Variants in GTPBP10 observed in about 807,000 individuals in gnomAD.
GTPBP10 encodes GTP-binding protein 10.
GTPBP10 carries 38 observed loss-of-function variants against 44.8 expected under a neutral mutation model. That is an observed-to-expected ratio of 0.85 (90% CI 0.65 to 1.11). GTPBP10 has a LOEUF of 1.11. Ranked by LOEUF, GTPBP10 falls within the 50% of genes most tolerant of loss-of-function variation. GTPBP10 has a pLI of 0.00. For synonymous variants in GTPBP10, 152 were observed against 150.6 expected, an observed-to-expected ratio of 1.01 and a Z score of -0.07; for missense variants, 462 against 453.7, an observed-to-expected ratio of 1.02 and a Z score of -0.17.
chr7:90,378,311 T>C lies in GTPBP10; in HGVS notation c.777+100T>C, dbSNP rs553165229. On this transcript the variant is annotated intron_variant, in intron 8 of 9. Transcript: ENST00000222511. ...TTACAGTCTATACATACTCCACCTT[T>C]AAAGCTTTGATGTCAGTTAAAGAAT... is the stretch of plus-strand genomic sequence containing the variant. 6.6e-5 allele frequency: 89 copies of C among 1,351,632 alleles called. No homozygotes were observed. In the South Asian group the frequency reaches 1.3e-3, roughly 20 times the overall value. 83.7% of individuals were successfully genotyped at this position (1,351,632 alleles called of 1,614,324 possible).
intron 7 of GTPBP10, 80 bp from the exon 8 acceptor site, chr7:90,378,054 A>G: frequency 6.8e-7 from 1 of 1,469,762 alleles, no homozygotes; most frequent in Non-Finnish European, 9.2e-7. Context: ...AGCTTGAGAG[A>G]GTAAAACATT....
chr7:90,349,521 A>G (rs1584624869), intron 1 of GTPBP10, among the ~76,000 whole-genome samples: 1 of 152,170 alleles, frequency 6.6e-6, no homozygotes, highest in African/African-American at 2.4e-5. Flanking sequence ...CATGGAACCA[A>G]TCCAGAGAAA....
At chr7:90,383,790 A>G (rs1796474106) in intron 9 of GTPBP10, 1 of 152,214 alleles carries the variant, frequency 6.6e-6, no homozygotes. Flanking sequence ...GGTGTATGGT[A>G]TGTGGCTAAC....
intron 4 of GTPBP10, among the ~76,000 whole-genome samples, chr7:90,357,609 A>C (rs915563366): frequency 1.3e-5 from 2 of 152,180 alleles, no homozygotes; most frequent in African/African-American, 2.4e-5. Flanking sequence ...GAGTTTTTGA[A>C]GTACCGTCTT....
At chr7:90,371,204 A>G in intron 4 of GTPBP10, 3 of 974,520 alleles carry the variant, frequency 3.1e-6, no homozygotes, top group Non-Finnish European at 3.7e-6. Context: ...AGAGATGACT[A>G]TTAACAGTGT....
chr7:90,374,300 A>G lies in GTPBP10; in HGVS notation c.539-2A>G. On this transcript the variant is annotated splice_acceptor_variant, in intron 5 of 9. Coordinates refer to ENST00000222511, the MANE Select transcript of GTPBP10 (RefSeq NM_033107.4). LOFTEE classifies it high-confidence loss of function. ...TTAATTTATTGCTGTGTTTCCTTTT[A>G]GTTACAACATTAAAGCCTGAACTTG... The G allele has an allele frequency of 1.3e-6, 2 of 1,588,930 alleles. No homozygotes were observed. Among genetic ancestry groups the G allele is most frequent in the Non-Finnish European group, 1.7e-6 (2 of 1,158,048 alleles).
Position 90,389,284 on chromosome 7 carries a change from A to G in GTPBP10, c.*4130A>G. 1 of 152,216 alleles carries G rather than the reference A, an allele frequency of 6.6e-6. No individual in the cohort carries two copies. The highest frequency in any genetic ancestry group is 1.5e-5 in the Non-Finnish European group (1 of 68,044). 9.4% of individuals were successfully genotyped at this position (152,216 alleles called of 1,614,324 possible). ...GTAAATCACATATTTTAACTTATTT[A>G]AACACTGCACTGTATTGCCTGCTAG... On this transcript the variant is annotated 3_prime_UTR_variant, in exon 10 of 10. Coordinates refer to ENST00000222511, the MANE Select transcript of GTPBP10 (RefSeq NM_033107.4).
intron 4 of GTPBP10, among the ~76,000 whole-genome samples, chr7:90,364,982 G>A (rs575036564): frequency 1.3e-5 from 2 of 152,226 alleles, no homozygotes; most frequent in African/African-American, 4.8e-5. Flanking sequence ...TTGGAAAAGT[G>A]CAGTATTAGG....
chr7:90,378,300 T>C (rs1355426835), intron 8 of GTPBP10, 89 bp downstream of exon 8: 3 of 1,403,362 alleles, frequency 2.1e-6, no homozygotes, highest in Non-Finnish European at 2.9e-6. Context: ...AGTCTATACA[T>C]ACTCCACCTT....
intron 4 of GTPBP10, among the ~76,000 whole-genome samples, chr7:90,367,263 G>A (rs1209402084): frequency 1.3e-5 from 2 of 152,138 alleles, no homozygotes; most frequent in African/African-American, 2.4e-5. Context: ...ATATTCTGTC[G>A]ATTTGGGGTG....
At chr7:90,350,147 C>G (rs970574220) in intron 1 of GTPBP10, among the ~76,000 whole-genome samples, 1 of 152,092 alleles carries the variant, frequency 6.6e-6, no homozygotes, top group Non-Finnish European at 1.5e-5. Context: ...TCAGTTCCCA[C>G]CTATGAGTGA....
chr7:90,360,655 G>GT (rs1433902883), intron 4 of GTPBP10, among the ~76,000 whole-genome samples: 3 of 152,128 alleles, frequency 2.0e-5, no homozygotes, highest in Non-Finnish European at 4.4e-5. Context: ...CTTTAAAGTA[G>GT]TTTTTTCCAA....
At chr7:90,384,001 A>C (rs12534797) in intron 9 of GTPBP10, among the ~76,000 whole-genome samples, 16,187 of 152,282 alleles carry the variant, frequency 0.11, 1,069 homozygotes, top group Non-Finnish European at 0.15. Context: ...AATAGCCTTC[A>C]TTCCTAATGA....
At position 90,388,978 on chromosome 7, in the gene GTPBP10, T is replaced by G. The variant is rs1796571056; in HGVS notation, c.*3824T>G. The G allele has an allele frequency of 6.6e-6, 1 of 152,188 alleles. No individual in the cohort carries two copies. Among genetic ancestry groups the G allele is most frequent in the African/African-American group, 2.4e-5 (1 of 41,444 alleles). 9.4% of individuals were successfully genotyped at this position (152,188 alleles called of 1,614,324 possible). A position where few individuals can be genotyped will look rare whatever the true frequency, so the allele number is the denominator to read the frequency against. ...ACAGATGCACTTTAAAACTGTAGCT[T>G]AAAAATAAAAATTAGTAATATAACT... On this transcript the variant is annotated 3_prime_UTR_variant, in exon 10 of 10. Coordinates refer to ENST00000222511, the MANE Select transcript of GTPBP10 (RefSeq NM_033107.4).
intron 4 of GTPBP10, among the ~76,000 whole-genome samples, chr7:90,358,227 G>C (rs1396311133): frequency 6.6e-6 from 1 of 152,062 alleles, no homozygotes; most frequent in East Asian, 1.9e-4. Flanking sequence ...CGTAACCAAG[G>C]TCGAGAAAGA....
At chr7:90,358,251 A>G (rs1795944062) in intron 4 of GTPBP10, among the ~76,000 whole-genome samples, 1 of 152,224 alleles carries the variant, frequency 6.6e-6, no homozygotes, top group Non-Finnish European at 1.5e-5. Context: ...CTACAAGGAG[A>G]ACTACAGAAC....
intron 1 of GTPBP10, among the ~76,000 whole-genome samples, chr7:90,348,114 A>C (rs1186121083): frequency 3.9e-5 from 6 of 152,104 alleles, no homozygotes; most frequent in Non-Finnish European, 1.5e-5. Context: ...GGGAGGCTGA[A>C]GTGGGAGAAT....
At chr7:90,364,771 C>G (rs1282121752) in intron 4 of GTPBP10, among the ~76,000 whole-genome samples, 1 of 152,180 alleles carries the variant, frequency 6.6e-6, no homozygotes, top group Non-Finnish European at 1.5e-5. Context: ...GTGGTGGACT[C>G]CACCTAGTTT....
chr7:90,376,728 A>G (rs983238874), intron 6 of GTPBP10, among the ~76,000 whole-genome samples: 3 of 152,214 alleles, frequency 2.0e-5, no homozygotes, highest in Non-Finnish European at 4.4e-5. Flanking sequence ...AATGGTCGAT[A>G]ATCCTGCTAG....
Sources: allele counts gnomAD v4.1 joint callset (sites outside exome capture counted in the v4.1 genomes callset), GRCh38; gene constraint gnomAD v4.1.1; transcripts MANE v1.5; gene names NCBI Gene and HGNC (gene_info 2026-07-23, HGNC 2026-07-21).